CNDP1: variants seen among roughly 807,000 people sequenced by gnomAD.
CNDP1 encodes beta-Ala-His dipeptidase.
In CNDP1, 44 loss-of-function variants were observed where a neutral mutation model predicts 58.1. The ratio of observed to expected loss-of-function variants is 0.76; its 90% CI spans 0.60 to 0.97. CNDP1 has a LOEUF of 0.97. Ranked by LOEUF, CNDP1 falls within the 50% of genes least tolerant of loss-of-function variation. The pLI is 0.00. For synonymous variants in CNDP1, 254 were observed against 252.6 expected, an observed-to-expected ratio of 1.01 and a Z score of -0.05; for missense variants, 616 against 655.1, an observed-to-expected ratio of 0.94 and a Z score of 0.65.
intron 11 of CNDP1, chr18:74,584,264 A>C (rs555771272): frequency 4.2e-5 from 22 of 520,100 alleles, no homozygotes; most frequent in African/African-American, 3.2e-4. Context: ...AATCAAGGAA[A>C]ATTCACTTTT....
At chr18:74,565,663 C>A (rs78820941) in intron 5 of CNDP1, among the ~76,000 whole-genome samples, 1 of 152,098 alleles carries the variant, frequency 6.6e-6, no homozygotes, top group Non-Finnish European at 1.5e-5. Context: ...CCCATGGTCT[C>A]GGGTGGCTCT....
At chr18:74,575,401 A>T (rs1251395564) in intron 7 of CNDP1, among the ~76,000 whole-genome samples, 1 of 152,174 alleles carries the variant, frequency 6.6e-6, no homozygotes, top group African/African-American at 2.4e-5. Flanking sequence ...TCAAGAGGAG[A>T]TCTCATGACT....
chr18:74,583,497 T>G, intron 10 of CNDP1, 64 bp from the exon 11 acceptor site: 2 of 1,405,040 alleles, frequency 1.4e-6, no homozygotes, highest in Non-Finnish European at 2.0e-6. Flanking sequence ...GCACTGACCT[T>G]GAGGAGCTTC....
rs932676302 is a variant in CNDP1, at chr18:74,585,037, T to C, written c.*475T>C. On this transcript the variant is annotated 3_prime_UTR_variant, in exon 12 of 12. Transcript: ENST00000358821. ...ACCACTGACTACAATGATTTCCCCA[T>C]GGATTCATTTTCAGAGGAGTTACTA... 6.4e-6 allele frequency: 1 copy of C among 157,312 alleles called. No individual in the cohort carries two copies. Among genetic ancestry groups the C allele is most frequent in the Non-Finnish European group, 1.4e-5 (1 of 70,782 alleles). 9.7% of individuals were successfully genotyped at this position (157,312 alleles called of 1,614,324 possible).
chr18:74,567,473 G>C (rs752329021), intron 6 of CNDP1, 40 bp downstream of exon 6: 2 of 1,516,008 alleles, frequency 1.3e-6, no homozygotes, highest in Non-Finnish European at 1.8e-6. Context: ...GGCCTGTGGG[G>C]GTTGTGAATG....
intron 6 of CNDP1, among the ~76,000 whole-genome samples, chr18:74,568,429 GT>G (rs1326281365): frequency 6.6e-6 from 1 of 152,200 alleles, no homozygotes; most frequent in Non-Finnish European, 1.5e-5. Context: ...AGCAGGGACT[GT>G]CCTCTAGAAC....
chr18:74,570,191 T>C (rs1981438264), intron 6 of CNDP1, among the ~76,000 whole-genome samples: 1 of 133,994 alleles, frequency 7.5e-6, no homozygotes, highest in Non-Finnish European at 1.6e-5. Flanking sequence ...AGAGCAAGAC[T>C]CTGTCTCAAA....
At chr18:74,581,708 C>G (rs1311949228) in intron 10 of CNDP1, among the ~76,000 whole-genome samples, 1 of 152,180 alleles carries the variant, frequency 6.6e-6, no homozygotes, top group Non-Finnish European at 1.5e-5. Flanking sequence ...TACTTGGGTG[C>G]TGGCTGTGGC....
rs748351265 is a variant in CNDP1, at chr18:74,571,204, G to A, written c.775G>A (p.Asp259Asn). The A allele has an allele frequency of 6.2e-7, 1 of 1,612,838 alleles. No homozygotes were observed. Among genetic ancestry groups the A allele is most frequent in the Non-Finnish European group, 8.5e-7 (1 of 1,178,990 alleles). Residue 259 changes from aspartate (D) to asparagine (N), a missense_variant, in exon 7 of 12, where the codon GAT (aspartate) becomes AAT (asparagine). Transcript: ENST00000358821. ...TCTGCAGGTGAAATGCAGAGACCAG[G>A]ATTTTCACTCAGGAACCTTTGGTGG... is the stretch of plus-strand genomic sequence containing the variant. ...FMVEVKCRDQ[D>N]FHSGTFGGIL...
In CNDP1 at chr18:74,534,629, G is replaced by A. The variant is rs1350133266; in HGVS notation, c.-39G>A. 1 of 1,613,450 alleles carries A rather than the reference G, an allele frequency of 6.2e-7. No individual in the cohort carries two copies. On this transcript the variant is annotated 5_prime_UTR_variant, in exon 1 of 12. Transcript: ENST00000358821. Reference sequence around the variant, plus strand: ...GACTCCCTCTGCCACATTTTTTGGAGGTTGGGAAAGTTGCTAGAGGCTTCA... The same window carrying A: ...GACTCCCTCTGCCACATTTTTTGGAAGTTGGGAAAGTTGCTAGAGGCTTCA...
chr18:74,548,179 A>C (rs552214411), intron 1 of CNDP1, among the ~76,000 whole-genome samples: 2 of 152,186 alleles, frequency 1.3e-5, no homozygotes, highest in African/African-American at 4.8e-5. Flanking sequence ...TCAATGGGTG[A>C]TGAGAGTTTG....
At chr18:74,544,109 C>T (rs569032392) in intron 1 of CNDP1, among the ~76,000 whole-genome samples, 39 of 151,968 alleles carry the variant, frequency 2.6e-4, no homozygotes, top group African/African-American at 7.0e-4. Flanking sequence ...AAAAATAAGC[C>T]GGCTTGGTGT....
At chr18:74,582,381 C>T (rs547565725) in intron 10 of CNDP1, among the ~76,000 whole-genome samples, 12 of 152,330 alleles carry the variant, frequency 7.9e-5, no homozygotes, top group African/African-American at 2.2e-4. Flanking sequence ...AAGGTTTGAA[C>T]TCATCTCTTT....
chr18:74,582,000 G>A lies in CNDP1; in HGVS notation c.1310-1561G>A, dbSNP rs181858061. Among the ~76,000 whole-genome samples the A allele has an allele frequency of 2.3e-3, 351 of 152,310 alleles. 1 individual carries two copies. Among genetic ancestry groups the A allele is most frequent in the Admixed American group, 8.0e-3 (123 of 15,296 alleles). ...TTATCAGTACAAGGGACACAGACACGGAAAACTACAGATCAAGTCCAAGAC... is the reference window on the plus strand; with the variant it reads ...TTATCAGTACAAGGGACACAGACACAGAAAACTACAGATCAAGTCCAAGAC... On this transcript the variant is annotated intron_variant, in intron 10 of 11. Transcript: ENST00000358821.
Position 74,545,457 on chromosome 18 carries a change from C to T in CNDP1, c.24+10766C>T, listed in dbSNP as rs184873089. 7.2e-5 allele frequency among the ~76,000 whole-genome samples: 11 copies of T among 152,286 alleles called. No homozygotes were observed. In the East Asian group the frequency reaches 1.9e-3, roughly 27 times the overall value. On this transcript the variant is annotated intron_variant, in intron 1 of 11. Coordinates refer to ENST00000358821, the MANE Select transcript of CNDP1 (RefSeq NM_032649.6). The surrounding 1 kb of genome is among the most constrained non-coding windows in gnomAD (Gnocchi z 4.1). Reference sequence around the variant, plus strand: ...AAGATGACACTTTAAAGGCTGTGTACGTAATTACAGGTTTCTAGAAAAGAA... The same window carrying T: ...AAGATGACACTTTAAAGGCTGTGTATGTAATTACAGGTTTCTAGAAAAGAA...
rs78091635 is a variant in CNDP1, at chr18:74,571,760, C to T, written c.841+490C>T. On this transcript the variant is annotated intron_variant, in intron 7 of 11. Coordinates refer to ENST00000358821, the MANE Select transcript of CNDP1 (RefSeq NM_032649.6). Reference sequence around the variant, plus strand: ...CCAGGTGAGGCCCTTCACCCACTTTCTCAAGAGCATCTTGTTTTTCACGAC... The same window carrying T: ...CCAGGTGAGGCCCTTCACCCACTTTTTCAAGAGCATCTTGTTTTTCACGAC... Among the ~76,000 whole-genome samples the T allele has an allele frequency of 3.5e-3, 530 of 152,318 alleles. 4 individuals are homozygous for T. The highest frequency in any genetic ancestry group is 7.2e-3 in the South Asian group (35 of 4,828).
chr18:74,543,244 C>T (rs1290102664), intron 1 of CNDP1, among the ~76,000 whole-genome samples: 1 of 152,182 alleles, frequency 6.6e-6, no homozygotes, highest in Non-Finnish European at 1.5e-5. Flanking sequence ...AATCCCATCA[C>T]TTTGGGAGGA....
At chr18:74,575,254 G>A (rs1253764076) in intron 7 of CNDP1, among the ~76,000 whole-genome samples, 1 of 152,214 alleles carries the variant, frequency 6.6e-6, no homozygotes, top group African/African-American at 2.4e-5. Context: ...AGAGAATAAA[G>A]TTGTAATTTA....
At chr18:74,548,944 G>T (rs545916031) in intron 1 of CNDP1, among the ~76,000 whole-genome samples, 1 of 152,360 alleles carries the variant, frequency 6.6e-6, no homozygotes, top group African/African-American at 2.4e-5. Context: ...AAATTTCTAA[G>T]TAGCAGTGTT....
Sources: gnomAD v4.1 joint callset for allele counts (sites outside exome capture counted in the v4.1 genomes callset) on GRCh38, gnomAD v4.1.1 for gene constraint, Gnocchi (gnomAD v3.1) non-coding constraint, MANE v1.5 for transcripts, NCBI Gene and HGNC (gene_info 2026-07-23, HGNC 2026-07-21) for gene names.